The following TSPYL6 variants were observed in gnomAD, a reference collection of about 807,000 sequenced individuals.
The protein encoded by TSPYL6 is TSPY like 6.
For synonymous variants in TSPYL6, 259 were observed against 214.8 expected (o/e 1.21, Z -1.80); for missense variants, 699 against 531.5 (o/e 1.32, Z -3.10).
Position 54,256,217 on chromosome 2 carries a change from C to T in TSPYL6, c.-66G>A. ...AGAGGTAGGTAGCGTCAACGTTCCTCACACAAAATGGCGAGTAAACACCTC... is the reference window on the plus strand; with the variant it reads ...AGAGGTAGGTAGCGTCAACGTTCCTTACACAAAATGGCGAGTAAACACCTC... On this transcript the variant is annotated 5_prime_UTR_variant, in exon 1 of 1. Transcript: ENST00000317802. 4 of 1,524,770 alleles carry T rather than the reference C, an allele frequency of 2.6e-6. No individual in the cohort carries two copies. The highest frequency in any genetic ancestry group is 2.6e-6 in the Non-Finnish European group (3 of 1,134,422). 94.5% of individuals were successfully genotyped at this position (1,524,770 alleles called of 1,614,324 possible). A position where few individuals can be genotyped will look rare whatever the true frequency, so the allele number is the denominator to read the frequency against.
In TSPYL6 at chr2:54,255,324, G is replaced by A. The variant is rs1249798136; in HGVS notation, c.828C>T (p.Tyr276=). 6.2e-7 allele frequency: 1 copy of A among 1,614,080 alleles called. No individual in the cohort carries two copies. The highest frequency in any genetic ancestry group is 1.7e-5 in the Admixed American group (1 of 60,010). ...IRGQDAEMLS[Y]LTNLEVKELR... ...GCTCCTTCACTTCCAAATTGGTTAAGTAGCTTAACATCTCGGCATCTTGGC... is the reference window on the plus strand; with the variant it reads ...GCTCCTTCACTTCCAAATTGGTTAAATAGCTTAACATCTCGGCATCTTGGC... Residue 276 remains tyrosine, a synonymous_variant, in exon 1 of 1, where the codon TAC becomes TAT. Coordinates refer to ENST00000317802, the MANE Select transcript of TSPYL6 (RefSeq NM_001003937.3).
rs548687428 is a variant in TSPYL6, at chr2:54,254,587, G to A, written c.*332C>T. ...GACACAGCTAGAAATCCAAGTAGGA[G>A]GAGCCAGACCAGAGGTCCTGGGAAC... On this transcript the variant is annotated 3_prime_UTR_variant, in exon 1 of 1. Coordinates refer to ENST00000317802, the MANE Select transcript of TSPYL6 (RefSeq NM_001003937.3). The A allele has an allele frequency of 8.8e-4, 217 of 247,000 alleles. No individual in the cohort carries two copies. The highest frequency in any genetic ancestry group is 4.7e-3 in the African/African-American group (209 of 44,726). The allele number at this position is 247,000 out of a possible 1,614,324, so 15.3% of individuals were successfully genotyped here.
rs1687403006 is a variant in TSPYL6 at position 54,254,675 on chromosome 2, G to C, written c.*244C>G. 1 of 508,086 alleles carries C rather than the reference G, an allele frequency of 2.0e-6. No individual in the cohort carries two copies. The highest frequency in any genetic ancestry group is 3.5e-6 in the Non-Finnish European group (1 of 286,678). The allele number at this position is 508,086 out of a possible 1,614,324, so 31.5% of individuals were successfully genotyped here. On this transcript the variant is annotated 3_prime_UTR_variant, in exon 1 of 1. Transcript: ENST00000317802. ...ACAGCATCATTCGCTTCGCTTAGAA[G>C]GATGTGACCCATCGGCTGGGAGCAT... is the stretch of plus-strand genomic sequence containing the variant.
chr2:54,255,570 C>T lies in TSPYL6; in HGVS notation c.582G>A (p.Gly194=). The change falls in exon 1 of 1, where the codon GGG becomes GGA. Residue 194 remains glycine (G), a synonymous_variant. Transcript: ENST00000317802. The part of the protein sequence containing the change: ...NREAGPGPGP[G]PLNVGLHLNP... Reference sequence around the variant, plus strand: ...TCAGGTGGAGACCCACGTTCAGGGGCCCGGGCCCGGGCCCAGGCCCTGCCT... The same window carrying T: ...TCAGGTGGAGACCCACGTTCAGGGGTCCGGGCCCGGGCCCAGGCCCTGCCT... 3 of 1,179,832 alleles carry T rather than the reference C, an allele frequency of 2.5e-6. No homozygotes were observed. The highest frequency in any genetic ancestry group is 1.5e-5 in the South Asian group (1 of 66,304). The allele number at this position is 1,179,832 out of a possible 1,614,324, so 73.1% of individuals were successfully genotyped here. A position where few individuals can be genotyped will look rare whatever the true frequency, so the allele number is the denominator to read the frequency against.
chr2:54,255,820 A>C lies in TSPYL6; in HGVS notation c.332T>G (p.Leu111Arg). ...CTCTTCACCCGGAAAGCCATTTTTG[A>C]GGCTGCCGTCAGTTGTCAGCGAGGC... The part of the protein sequence containing the change: ...ASASLTTDGS[L>R]KNGFPGEETH... Residue 111 changes from leucine to arginine, a missense_variant, in exon 1 of 1, where the codon CTC (leucine) becomes CGC (arginine). Coordinates refer to ENST00000317802, the MANE Select transcript of TSPYL6 (RefSeq NM_001003937.3). The C allele has an allele frequency of 6.2e-7, 1 of 1,613,824 alleles. No individual in the cohort carries two copies. Among genetic ancestry groups the C allele is most frequent in the Non-Finnish European group, 8.5e-7 (1 of 1,180,012 alleles).
Position 54,255,905 on chromosome 2 carries a change from C to T in TSPYL6, c.247G>A (p.Ala83Thr). Residue 83 changes from alanine to threonine, a missense_variant, in exon 1 of 1, where the codon GCC becomes ACC. By Grantham distance (58) the Ala-to-Thr change is moderately conservative. Transcript: ENST00000317802. ...ILVDAGRSHG[A>T]IKAGQEVTPP... ...GTCACTTCCTGCCCCGCTTTGATGG[C>T]TCCATGACTGCGACCCGCATCGACC... The T allele has an allele frequency of 1.2e-6, 2 of 1,614,084 alleles. No individual in the cohort carries two copies. Among genetic ancestry groups the T allele is most frequent in the South Asian group, 1.1e-5 (1 of 91,088 alleles).
In TSPYL6 at chr2:54,253,604, C is replaced by T. The variant is rs534406022; in HGVS notation, c.*1315G>A. On this transcript the variant is annotated 3_prime_UTR_variant, in exon 1 of 1. Coordinates refer to ENST00000317802, the MANE Select transcript of TSPYL6 (RefSeq NM_001003937.3). ...CATACTAAAAAAAAGTACTTCTCTT[C>T]CCATCATAACTAGTCAACCCAGTGT... 6.6e-6 allele frequency: 1 copy of T among 152,244 alleles called. No homozygotes were observed. The highest frequency in any genetic ancestry group is 2.4e-5 in the African/African-American group (1 of 41,452). The allele number at this position is 152,244 out of a possible 1,614,324, so 9.4% of individuals were successfully genotyped here. A position where few individuals can be genotyped will look rare whatever the true frequency, so the allele number is the denominator to read the frequency against.
rs781342586 is a variant in TSPYL6 at position 54,255,316 on chromosome 2, T to A, written c.836A>T (p.Asn279Ile). 6.2e-7 allele frequency: 1 copy of A among 1,614,192 alleles called. No homozygotes were observed. Among genetic ancestry groups the A allele is most frequent in the Middle Eastern group, 1.6e-4 (1 of 6,062 alleles). Residue 279 changes from asparagine to isoleucine, a missense_variant, in exon 1 of 1, where the codon AAT becomes ATT. By Grantham distance (149) the Asn-to-Ile change is moderately radical. Transcript: ENST00000317802. Reference sequence around the variant, plus strand: ...GTGTCTGAGCTCCTTCACTTCCAAATTGGTTAAGTAGCTTAACATCTCGGC... The same window carrying A: ...GTGTCTGAGCTCCTTCACTTCCAAAATGGTTAAGTAGCTTAACATCTCGGC... Reference protein sequence around the residue: ...QDAEMLSYLTNLEVKELRHPR... With the variant: ...QDAEMLSYLTILEVKELRHPR...
At chr2:54,255,600 GT>G in the TSPYL6 span, 2 of 1,613,438 alleles carry the variant, frequency 1.2e-6, no homozygotes, top group Non-Finnish European at 1.7e-6. Flanking sequence ...CTGCCTCCCT[GT>G]TTACCTCATC....
At position 54,254,689 on chromosome 2, in the gene TSPYL6, G is replaced by A. The variant is rs1028449923; in HGVS notation, c.*230C>T. On this transcript the variant is annotated 3_prime_UTR_variant, in exon 1 of 1. Transcript: ENST00000317802. ...TTCGCTTAGAAGGATGTGACCCATCGGCTGGGAGCATGTGATGTTAATGCA... is the reference window on the plus strand; with the variant it reads ...TTCGCTTAGAAGGATGTGACCCATCAGCTGGGAGCATGTGATGTTAATGCA... The A allele has an allele frequency of 1.9e-5, 10 of 525,996 alleles. No individual in the cohort carries two copies. Among genetic ancestry groups the A allele is most frequent in the Non-Finnish European group, 3.0e-5 (9 of 297,372 alleles). The allele number at this position is 525,996 out of a possible 1,614,324, so 32.6% of individuals were successfully genotyped here. A position where few individuals can be genotyped will look rare whatever the true frequency, so the allele number is the denominator to read the frequency against.
In TSPYL6 at chr2:54,256,111, T is replaced by A. The variant is rs747023267; in HGVS notation, c.41A>T (p.Asp14Val). 6.2e-7 allele frequency: 1 copy of A among 1,614,052 alleles called. No individual in the cohort carries two copies. The highest frequency in any genetic ancestry group is 8.5e-7 in the Non-Finnish European group (1 of 1,179,990). ...CTGGTGCGGGTCTTCCAGAGCATAG[T>A]CGAGAGTAGCGGGGCTGTGAGGACT... Reference protein sequence around the residue: ...PESPHSPATLDYALEDPHQGQ... With the variant: ...PESPHSPATLVYALEDPHQGQ... The change falls in exon 1 of 1, where the codon GAC becomes GTC. Residue 14 changes from aspartate to valine, a missense_variant. By Grantham distance (152) the Asp-to-Val change is radical. Transcript: ENST00000317802.
chr2:54,254,655 A>G lies in TSPYL6; in HGVS notation c.*264T>C. 2.2e-6 allele frequency: 1 copy of G among 455,554 alleles called. No homozygotes were observed. Among genetic ancestry groups the G allele is most frequent in the Non-Finnish European group, 3.9e-6 (1 of 255,416 alleles). 28.2% of individuals were successfully genotyped at this position (455,554 alleles called of 1,614,324 possible). A position where few individuals can be genotyped will look rare whatever the true frequency, so the allele number is the denominator to read the frequency against. ...AGGTAAATACAGTGTAACCTACAGCATCATTCGCTTCGCTTAGAAGGATGT... is the reference window on the plus strand; with the variant it reads ...AGGTAAATACAGTGTAACCTACAGCGTCATTCGCTTCGCTTAGAAGGATGT... On this transcript the variant is annotated 3_prime_UTR_variant, in exon 1 of 1. Coordinates refer to ENST00000317802, the MANE Select transcript of TSPYL6 (RefSeq NM_001003937.3).
At position 54,255,930 on chromosome 2, in the gene TSPYL6, C is replaced by T; in HGVS notation, c.222G>A (p.Leu74=). ...CTCCATGACTGCGACCCGCATCGAC[C>T]AAGATGTGGAAAGTATGGCCACCAT... ...PADGGHTFHI[L]VDAGRSHGAI... is the part of the protein sequence containing the mutation. The change falls in exon 1 of 1, where the codon TTG becomes TTA. Residue 74 remains leucine, a synonymous_variant. Coordinates refer to ENST00000317802, the MANE Select transcript of TSPYL6 (RefSeq NM_001003937.3). 1 of 1,614,186 alleles carries T rather than the reference C, an allele frequency of 6.2e-7. No individual in the cohort carries two copies.
rs1167020781 is a variant in TSPYL6 at position 54,255,675 on chromosome 2, T to C, written c.477A>G (p.Ser159=). 6.2e-7 allele frequency: 1 copy of C among 1,613,928 alleles called. No homozygotes were observed. Among genetic ancestry groups the C allele is most frequent in the Non-Finnish European group, 8.5e-7 (1 of 1,180,026 alleles). The change falls in exon 1 of 1, where the codon TCA becomes TCG. Residue 159 remains serine, a synonymous_variant. Coordinates refer to ENST00000317802, the MANE Select transcript of TSPYL6 (RefSeq NM_001003937.3). ...CTCCTGGCTTCTCATCCACTGGGGC[T>C]GAGAACATGGCACACTCCTCAGGCT... ...DVKPEECAMF[S]APVDEKPGGE... is the part of the protein sequence containing the mutation.
In TSPYL6 at chr2:54,254,645, A is replaced by C. The variant is rs1407126568; in HGVS notation, c.*274T>G. 2.5e-6 allele frequency: 1 copy of C among 407,338 alleles called. No individual in the cohort carries two copies. Among genetic ancestry groups the C allele is most frequent in the Non-Finnish European group, 4.4e-6 (1 of 227,526 alleles). The allele number at this position is 407,338 out of a possible 1,614,324, so 25.2% of individuals were successfully genotyped here. ...GTCCAAACAAAGGTAAATACAGTGT[A>C]ACCTACAGCATCATTCGCTTCGCTT... On this transcript the variant is annotated 3_prime_UTR_variant, in exon 1 of 1. Coordinates refer to ENST00000317802, the MANE Select transcript of TSPYL6 (RefSeq NM_001003937.3).
chr2:54,256,112 C>A lies in TSPYL6; in HGVS notation c.40G>T (p.Asp14Tyr). 2.5e-6 allele frequency: 4 copies of A among 1,613,986 alleles called. No individual in the cohort carries two copies. Among genetic ancestry groups the A allele is most frequent in the Non-Finnish European group, 3.4e-6 (4 of 1,179,964 alleles). ...PESPHSPATL[D>Y]YALEDPHQGQ... ...TGGTGCGGGTCTTCCAGAGCATAGT[C>A]GAGAGTAGCGGGGCTGTGAGGACTC... is the stretch of plus-strand genomic sequence containing the variant. The change falls in exon 1 of 1, where the codon GAC (aspartate) becomes TAC (tyrosine). Residue 14 changes from aspartate to tyrosine, a missense_variant. Physicochemically the swap from Asp to Tyr is radical, Grantham distance 160. Coordinates refer to ENST00000317802, the MANE Select transcript of TSPYL6 (RefSeq NM_001003937.3).
Position 54,256,221 on chromosome 2 carries a change from C to G in TSPYL6, c.-70G>C. 1.3e-6 allele frequency: 2 copies of G among 1,518,274 alleles called. No homozygotes were observed. The highest frequency in any genetic ancestry group is 1.8e-6 in the Non-Finnish European group (2 of 1,129,798). 94.1% of individuals were successfully genotyped at this position (1,518,274 alleles called of 1,614,324 possible). On this transcript the variant is annotated 5_prime_UTR_variant, in exon 1 of 1. Transcript: ENST00000317802. ...GTAGGTAGCGTCAACGTTCCTCACACAAAATGGCGAGTAAACACCTCGCCC... is the reference window on the plus strand; with the variant it reads ...GTAGGTAGCGTCAACGTTCCTCACAGAAAATGGCGAGTAAACACCTCGCCC...
rs759425728 is a variant in TSPYL6, at chr2:54,255,872, G to A, written c.280C>T (p.Pro94Ser). The A allele has an allele frequency of 6.8e-6, 11 of 1,613,992 alleles. No homozygotes were observed. Among genetic ancestry groups the A allele is most frequent in the Non-Finnish European group, 9.3e-6 (11 of 1,179,966 alleles). The change falls in exon 1 of 1, where the codon CCC (proline) becomes TCC (serine). Residue 94 changes from proline (P) to serine (S), a missense_variant. Transcript: ENST00000317802. ...IKAGQEVTPPPAEGLEAASAS... is the reference protein window; with the variant it reads ...IKAGQEVTPPSAEGLEAASAS... ...GAGGCCGCTTCTAGGCCCTCCGCGG[G>A]TGGTGGAGTCACTTCCTGCCCCGCT...
At position 54,255,056 on chromosome 2, in the gene TSPYL6, C is replaced by T; in HGVS notation, c.1096G>A (p.Ala366Thr). The T allele has an allele frequency of 1.2e-6, 2 of 1,614,124 alleles. No homozygotes were observed. The highest frequency in any genetic ancestry group is 1.7e-6 in the Non-Finnish European group (2 of 1,180,026). Residue 366 changes from alanine (A) to threonine (T), a missense_variant, in exon 1 of 1, where the codon GCT becomes ACT. Ala to Thr is a moderately conservative substitution (Grantham distance 58). Coordinates refer to ENST00000317802, the MANE Select transcript of TSPYL6 (RefSeq NM_001003937.3). ...CAGAGGTCCTCTTTAATAATCTGAGCAATCCTGTCGGACTCTGGAAGGCTG... is the reference window on the plus strand; with the variant it reads ...CAGAGGTCCTCTTTAATAATCTGAGTAATCCTGTCGGACTCTGGAAGGCTG... ...DHSLPESDRI[A>T]QIIKEDLWSN...
Sources: gnomAD v4.1 joint callset for allele counts on GRCh38, gnomAD v4.1.1 for gene constraint, MANE v1.5 for transcripts, NCBI Gene and HGNC (gene_info 2026-07-23, HGNC 2026-07-21) for gene names.